The following RHBDL2 variants were observed in gnomAD, a reference collection of about 807,000 sequenced individuals.
RHBDL2 encodes rhomboid-related protein 2.
RHBDL2 carries 26 observed loss-of-function variants against 31.7 expected under a neutral mutation model. That is an observed-to-expected ratio of 0.82 (90% CI 0.60 to 1.14). RHBDL2 has a LOEUF of 1.14. Ranked by LOEUF, RHBDL2 falls within the 50% of genes most tolerant of loss-of-function variation. The pLI is 0.00. For missense variants in RHBDL2, 336 were observed against 364.4 expected (o/e 0.92, Z 0.63); for synonymous variants, 123 against 127.2 (o/e 0.97, Z 0.22).
intron 1 of RHBDL2, among the ~76,000 whole-genome samples, chr1:38,936,707 C>A (rs546674323): frequency 2.9e-4 from 44 of 152,082 alleles, no homozygotes; most frequent in African/African-American, 9.9e-4. Context: ...ACCATGTTGG[C>A]CAGGCTGGTC....
chr1:38,919,869 C>T (rs1240731529), intron 1 of RHBDL2, among the ~76,000 whole-genome samples: 4 of 151,984 alleles, frequency 2.6e-5, no homozygotes, highest in South Asian at 2.1e-4. Flanking sequence ...CCACCGAAGC[C>T]GGCCCTGTTT....
intron 1 of RHBDL2, among the ~76,000 whole-genome samples, chr1:38,941,157 A>C (rs993697291): frequency 6.6e-6 from 1 of 152,226 alleles, no homozygotes. Context: ...ACACTAATGA[A>C]TAAATGAAAG....
intron 1 of RHBDL2, among the ~76,000 whole-genome samples, chr1:38,940,214 T>G (rs1253608949): frequency 6.6e-6 from 1 of 152,238 alleles, no homozygotes; most frequent in East Asian, 1.9e-4. Flanking sequence ...TTAGCCTGCA[T>G]CCATAGTTTA....
At chr1:38,912,906 ATATATG>A (rs1426032677) in intron 3 of RHBDL2, among the ~76,000 whole-genome samples, 457 of 34,058 alleles carry the variant, frequency 0.013, 6 homozygotes, top group African/African-American at 0.031. Context: ...ATATATATAT[ATATATG>A]TGTGTGTGTG....
chr1:38,895,635 C>A (rs1031147616), intron 5 of RHBDL2, among the ~76,000 whole-genome samples: 2 of 152,100 alleles, frequency 1.3e-5, no homozygotes, highest in Non-Finnish European at 2.9e-5. Context: ...GAAACCCTGG[C>A]TCTACAAACA....
At chr1:38,909,684 G>A (rs1643115224) in intron 4 of RHBDL2, among the ~76,000 whole-genome samples, 1 of 152,094 alleles carries the variant, frequency 6.6e-6, no homozygotes. Context: ...GGAGGTTGCA[G>A]TGAGCCAAGA....
chr1:38,890,453 C>A (rs1351023360), intron 6 of RHBDL2, among the ~76,000 whole-genome samples: 1 of 152,156 alleles, frequency 6.6e-6, no homozygotes, highest in Non-Finnish European at 1.5e-5. Flanking sequence ...CAATAGGAGA[C>A]CTCCTCTCAG....
intron 4 of RHBDL2, among the ~76,000 whole-genome samples, chr1:38,907,171 G>A (rs9438989): frequency 0.18 from 27,151 of 152,108 alleles, 2,907 homozygotes; most frequent in Non-Finnish European, 0.24. Flanking sequence ...TCCTTTCAAC[G>A]AATTATTCTA....
intron 6 of RHBDL2, 63 bp from the exon 7 acceptor site, chr1:38,888,087 G>C (rs1433754422): frequency 4.6e-6 from 5 of 1,082,208 alleles, no homozygotes; most frequent in African/African-American, 3.2e-5. Context: ...AAATGTTTTT[G>C]GTTCCCCTCT....
At chr1:38,918,357 GA>G (rs1292414446) in intron 2 of RHBDL2, among the ~76,000 whole-genome samples, 1 of 152,070 alleles carries the variant, frequency 6.6e-6, no homozygotes, top group Non-Finnish European at 1.5e-5. Context: ...AAGTGTGGGG[GA>G]AAAAACTAGG....
chr1:38,922,083 T>C (rs1045277478), intron 1 of RHBDL2, among the ~76,000 whole-genome samples: 2 of 152,174 alleles, frequency 1.3e-5, no homozygotes, highest in Admixed American at 6.5e-5. Context: ...AAGACCACCA[T>C]TTTAAATATG....
intron 1 of RHBDL2, among the ~76,000 whole-genome samples, chr1:38,935,688 C>T (rs1643491617): frequency 6.6e-6 from 1 of 152,200 alleles, no homozygotes; most frequent in Admixed American, 6.5e-5. Flanking sequence ...TCTCAGCTCA[C>T]TGCAACCTCT....
intron 1 of RHBDL2, among the ~76,000 whole-genome samples, 152 bp downstream of exon 1, chr1:38,941,530 A>G (rs772230047): frequency 2.6e-5 from 4 of 152,152 alleles, no homozygotes; most frequent in Non-Finnish European, 4.4e-5. Flanking sequence ...CGGCCACACC[A>G]GGAGGTCACT....
chr1:38,911,236 A>G, intron 4 of RHBDL2, 86 bp downstream of exon 4: 1 of 850,002 alleles, frequency 1.2e-6, no homozygotes, highest in Middle Eastern at 2.2e-4. Context: ...CTTGACTTAA[A>G]GAAGCCTACT....
intron 1 of RHBDL2, among the ~76,000 whole-genome samples, chr1:38,921,726 G>A (rs1643318396): frequency 6.6e-6 from 1 of 152,148 alleles, no homozygotes; most frequent in Non-Finnish European, 1.5e-5. Context: ...GCCTCCCAGA[G>A]TCAGACATTC....
chr1:38,920,388 G>A (rs1307763266), intron 1 of RHBDL2, among the ~76,000 whole-genome samples: 6 of 151,508 alleles, frequency 4.0e-5, no homozygotes, highest in Non-Finnish European at 7.4e-5. Context: ...GGCTAGTCTC[G>A]AACTCCCAAC....
intron 4 of RHBDL2, among the ~76,000 whole-genome samples, chr1:38,905,750 GAAA>G (rs36067930): frequency 8.5e-6 from 1 of 117,708 alleles, no homozygotes; most frequent in Non-Finnish European, 1.7e-5. Context: ...TCTGTCTCAA[GAAA>G]AAAAAAAAAA....
chr1:38,904,037 C>CA (rs1286700111), intron 4 of RHBDL2, among the ~76,000 whole-genome samples: 3 of 152,042 alleles, frequency 2.0e-5, no homozygotes, highest in African/African-American at 7.2e-5. Context: ...CATCCATATG[C>CA]AAAAAAATGA....
At chr1:38,894,688 CTTTT>C in intron 5 of RHBDL2, among the ~76,000 whole-genome samples, 1 of 131,334 alleles carries the variant, frequency 7.6e-6, no homozygotes, top group South Asian at 2.4e-4. Flanking sequence ...CATTTCTTTT[CTTTT>C]TTTTCTTTTT....
Sources: allele counts gnomAD v4.1 joint callset (sites outside exome capture counted in the v4.1 genomes callset), GRCh38; gene constraint gnomAD v4.1.1; transcripts MANE v1.5; gene names NCBI Gene and HGNC (gene_info 2026-07-23, HGNC 2026-07-21).